ADGRL4: variants seen among roughly 807,000 people sequenced by gnomAD.
ADGRL4 encodes adhesion G protein-coupled receptor L4, also known as EGF, latrophilin and seven transmembrane domain containing 1.
ADGRL4 carries 90 observed loss-of-function variants against 74.8 expected under a neutral mutation model. That is an observed-to-expected ratio of 1.20 (90% CI 1.02 to 1.43). The LOEUF is 1.43. ADGRL4 is among the 40% of genes most tolerant of loss of function. The pLI is 0.00. For missense variants in ADGRL4, 881 were observed against 814.3 expected, an observed-to-expected ratio of 1.08 and a Z score of -1.00; for synonymous variants, 311 against 279.2, an observed-to-expected ratio of 1.11 and a Z score of -1.14.
At chr1:78,913,801 CAA>C (rs765585604) in intron 12 of ADGRL4, among the ~76,000 whole-genome samples, 7 of 151,740 alleles carry the variant, frequency 4.6e-5, no homozygotes, top group Non-Finnish European at 8.8e-5. Context: ...TAAAACAAAA[CAA>C]AGTATAAATT....
chr1:78,892,996 C>T (rs1484962368), intron 13 of ADGRL4, 102 bp downstream of exon 13: 3 of 679,294 alleles, frequency 4.4e-6, no homozygotes, highest in Non-Finnish European at 7.2e-6. Context: ...AAGTATGAAA[C>T]AATCATTTAA....
Position 78,907,474 on chromosome 1 carries a change from C to T in ADGRL4, c.1749+10160G>A, listed in dbSNP as rs866885592. Among the ~76,000 whole-genome samples the T allele has an allele frequency of 8.4e-4, 128 of 151,974 alleles. 1 individual carries two copies. Among genetic ancestry groups the T allele is most frequent in the African/African-American group, 2.8e-3 (118 of 41,494 alleles). Reference sequence around the variant, plus strand: ...CCATAAGGTTTTTGTTTTCACAGAGCTTACAGTACTCCTTTGAGAAGACAG... The same window carrying T: ...CCATAAGGTTTTTGTTTTCACAGAGTTTACAGTACTCCTTTGAGAAGACAG... On this transcript the variant is annotated intron_variant, in intron 12 of 14. Coordinates refer to ENST00000370742, the MANE Select transcript of ADGRL4 (RefSeq NM_022159.4).
At chr1:78,931,168 G>A (rs1412848201) in intron 7 of ADGRL4, among the ~76,000 whole-genome samples, 1 of 151,188 alleles carries the variant, frequency 6.6e-6, no homozygotes, top group Non-Finnish European at 1.5e-5. Context: ...AAAATGTTAT[G>A]GGCAGCCAGA....
intron 1 of ADGRL4, 56 bp downstream of exon 1, chr1:79,006,577 C>T: frequency 1.3e-6 from 2 of 1,531,522 alleles, no homozygotes; most frequent in Non-Finnish European, 1.8e-6. Flanking sequence ...ATCCAGTCCC[C>T]TACAAGGGAT....
chr1:78,893,131 A>C lies in ADGRL4; in HGVS notation c.1808T>G (p.Leu603Trp). ...CTCAAAGCAACTAACTTCTGGTTTC[A>C]ACCCTGCAGTGTGACGAAAAACTTT... ...IYKVFRHTAG[L>W]KPEVSCFENI... Residue 603 changes from leucine (L) to tryptophan (W), a missense_variant, in exon 13 of 15, where the codon TTG becomes TGG. Coordinates refer to ENST00000370742, the MANE Select transcript of ADGRL4 (RefSeq NM_022159.4). 1 of 1,602,186 alleles carries C rather than the reference A, an allele frequency of 6.2e-7. No homozygotes were observed. The highest frequency in any genetic ancestry group is 2.3e-5 in the East Asian group (1 of 44,310).
rs571521153 is a variant in ADGRL4 at position 78,997,428 on chromosome 1, T to C, written c.172+7642A>G. On this transcript the variant is annotated intron_variant, in intron 2 of 14. Coordinates refer to ENST00000370742, the MANE Select transcript of ADGRL4 (RefSeq NM_022159.4). ...ATTACTGACAATTTTAGCAGCTTTG[T>C]ATCTTGATACCTCTTCCTACGAAAG... Among the ~76,000 whole-genome samples the C allele has an allele frequency of 1.6e-3, 251 of 152,312 alleles. 2 individuals are homozygous for C. The highest frequency in any genetic ancestry group is 6.8e-3 in the Middle Eastern group (2 of 294).
At chr1:79,000,637 A>C (rs1209755087) in intron 2 of ADGRL4, among the ~76,000 whole-genome samples, 3 of 151,900 alleles carry the variant, frequency 2.0e-5, no homozygotes, top group African/African-American at 7.3e-5. Flanking sequence ...TCTACTGCAG[A>C]ACCTTTCTTG....
At chr1:78,969,119 A>C (rs1222495393) in intron 2 of ADGRL4, among the ~76,000 whole-genome samples, 1 of 152,206 alleles carries the variant, frequency 6.6e-6, no homozygotes, top group African/African-American at 2.4e-5. Flanking sequence ...TGAGTAAGGT[A>C]TATTCCTGTG....
intron 1 of ADGRL4, among the ~76,000 whole-genome samples, chr1:79,005,939 T>A (rs1355448971): frequency 2.6e-5 from 4 of 151,338 alleles, no homozygotes; most frequent in South Asian, 2.1e-4. Context: ...CAAAAAAAAA[T>A]GAAACAAAAC....
At chr1:78,959,602 A>G (rs554271440) in intron 2 of ADGRL4, among the ~76,000 whole-genome samples, 1 of 152,326 alleles carries the variant, frequency 6.6e-6, no homozygotes, top group East Asian at 1.9e-4. Context: ...GGACTGGTGG[A>G]CTGCCTGATC....
chr1:78,982,997 C>T (rs1355310563), intron 2 of ADGRL4, among the ~76,000 whole-genome samples: 1 of 151,662 alleles, frequency 6.6e-6, no homozygotes, highest in East Asian at 1.9e-4. Flanking sequence ...GCCTAGGCTA[C>T]GGGGGCAGAG....
rs773248560 is a variant in ADGRL4, at chr1:79,005,061, C to T, written c.172+9G>A. 1 of 1,609,088 alleles carries T rather than the reference C, an allele frequency of 6.2e-7. No homozygotes were observed. The highest frequency in any genetic ancestry group is 8.5e-7 in the Non-Finnish European group (1 of 1,177,982). On this transcript the variant is annotated intron_variant, in intron 2 of 14. Transcript: ENST00000370742. Reference sequence around the variant, plus strand: ...GTATAATCCAAAAGAAGTAACAAAGCTTGTTTACCTTCACAAATTGTGACA... The same window carrying T: ...GTATAATCCAAAAGAAGTAACAAAGTTTGTTTACCTTCACAAATTGTGACA...
chr1:78,955,766 TTGA>T (rs1038197167), intron 2 of ADGRL4, among the ~76,000 whole-genome samples: 1 of 152,118 alleles, frequency 6.6e-6, no homozygotes, highest in African/African-American at 2.4e-5. Flanking sequence ...CTCTCTTATG[TTGA>T]TGAGTTTTTC....
chr1:78,985,239 C>T (rs1240613053), intron 2 of ADGRL4, among the ~76,000 whole-genome samples: 1 of 151,554 alleles, frequency 6.6e-6, no homozygotes, highest in Non-Finnish European at 1.5e-5. Context: ...CATCTATTCT[C>T]TAATTTATCT....
chr1:78,940,748 G>T (rs1034364657), intron 3 of ADGRL4, among the ~76,000 whole-genome samples: 6 of 152,074 alleles, frequency 3.9e-5, no homozygotes, highest in African/African-American at 1.4e-4. Flanking sequence ...GTAGAAAAAG[G>T]GTGTGTAACC....
chr1:79,001,187 G>GAGGGAGGAAGGAAGGAAGGA (rs1650833989), intron 2 of ADGRL4, among the ~76,000 whole-genome samples: 1 of 104,036 alleles, frequency 9.6e-6, no homozygotes, highest in African/African-American at 3.5e-5. Flanking sequence ...GGGGGGGAGG[G>GAGGGAGGAAGGAAGGAAGGA]AGGGAGGAAG....
chr1:78,955,000 C>T (rs1177449975), intron 2 of ADGRL4, among the ~76,000 whole-genome samples: 2 of 152,008 alleles, frequency 1.3e-5, no homozygotes, highest in African/African-American at 4.8e-5. Flanking sequence ...ACAAAAACAA[C>T]ATAAATATTA....
chr1:78,950,549 C>G (rs1315012576), intron 2 of ADGRL4, among the ~76,000 whole-genome samples: 1 of 151,882 alleles, frequency 6.6e-6, no homozygotes, highest in Non-Finnish European at 1.5e-5. Flanking sequence ...CTTGAACTAA[C>G]CAAAACAGAA....
chr1:78,917,536 A>T, intron 12 of ADGRL4, 98 bp downstream of exon 12: 1 of 689,262 alleles, frequency 1.5e-6, no homozygotes, highest in Non-Finnish European at 2.4e-6. Context: ...AAATATTCAA[A>T]TTCTTCTTTT....
Sources: allele counts gnomAD v4.1 joint callset (sites outside exome capture counted in the v4.1 genomes callset), GRCh38; gene constraint gnomAD v4.1.1; transcripts MANE v1.5; gene names NCBI Gene and HGNC (gene_info 2026-07-23, HGNC 2026-07-21).